ITFG1: variants seen among roughly 807,000 people sequenced by gnomAD.
ITFG1 encodes T-cell immunomodulatory protein.
Under a neutral mutation model 81.8 loss-of-function variants are expected in ITFG1, and 34 were observed. The ratio of observed to expected loss-of-function variants is 0.42; its 90% CI spans 0.32 to 0.55. ITFG1 has a LOEUF of 0.55. ITFG1 is among the 20% of genes least tolerant of loss of function. The pLI, the probability that ITFG1 is intolerant of heterozygous loss-of-function variation, is 0.17. For synonymous variants in ITFG1, 285 were observed against 270.6 expected (o/e 1.05, Z -0.52); for missense variants, 672 against 755.4 (o/e 0.89, Z 1.29).
intron 13 of ITFG1, among the ~76,000 whole-genome samples, chr16:47,232,637 G>GTT (rs200391263): frequency 2.1e-4 from 30 of 145,032 alleles, no homozygotes; most frequent in Non-Finnish European, 3.0e-4. Context: ...ATTTGTTCTT[G>GTT]TTTTTTTTTT....
At chr16:47,319,933 C>CT (rs908676325) in intron 8 of ITFG1, among the ~76,000 whole-genome samples, 5 of 152,070 alleles carry the variant, frequency 3.3e-5, no homozygotes, top group Admixed American at 6.5e-5. Flanking sequence ...ATATACATAT[C>CT]TTTTTTGAGA....
At chr16:47,258,516 T>C (rs1270749633) in intron 12 of ITFG1, 116 bp downstream of exon 12, 1 of 618,602 alleles carries the variant, frequency 1.6e-6, no homozygotes, top group Non-Finnish European at 2.8e-6. Context: ...AGGATGGTGC[T>C]GTACTGGTTG....
At chr16:47,420,294 G>T (rs956809040) in intron 6 of ITFG1, among the ~76,000 whole-genome samples, 10 of 152,102 alleles carry the variant, frequency 6.6e-5, no homozygotes, top group African/African-American at 2.2e-4. Context: ...ATATTCTGAT[G>T]AGAAAAATAT....
intron 8 of ITFG1, among the ~76,000 whole-genome samples, chr16:47,362,218 C>CCGA: frequency 6.6e-6 from 1 of 152,280 alleles, no homozygotes; most frequent in Middle Eastern, 3.4e-3. Context: ...CATGCCCTGA[C>CCGA]CTGTCTCCTG....
intron 14 of ITFG1, among the ~76,000 whole-genome samples, chr16:47,199,864 T>G (rs528315509): frequency 6.6e-5 from 10 of 152,202 alleles, no homozygotes; most frequent in Non-Finnish European, 1.3e-4. Context: ...CAGTGACAGA[T>G]CATCAGGCAT....
intron 16 of ITFG1, 133 bp from the exon 17 acceptor site, chr16:47,159,123 CCATT>C: frequency 2.3e-6 from 1 of 428,564 alleles, no homozygotes; most frequent in South Asian, 7.6e-5. Context: ...ATTCATCAGT[CCATT>C]CATTATAAAT....
chr16:47,164,728 GAT>G (rs1964865019), intron 14 of ITFG1, among the ~76,000 whole-genome samples: 1 of 152,238 alleles, frequency 6.6e-6, no homozygotes, highest in Admixed American at 6.5e-5. Context: ...AAATAGCCAA[GAT>G]GCTGAGAATG....
At chr16:47,385,255 A>G (rs536245267) in intron 6 of ITFG1, among the ~76,000 whole-genome samples, 1 of 152,374 alleles carries the variant, frequency 6.6e-6, no homozygotes, top group African/African-American at 2.4e-5. Context: ...TTATTAAAAT[A>G]ATGAGGCACA....
At chr16:47,412,217 T>C (rs1046017836) in intron 6 of ITFG1, among the ~76,000 whole-genome samples, 4 of 151,998 alleles carry the variant, frequency 2.6e-5, no homozygotes, top group African/African-American at 9.7e-5. Flanking sequence ...TCTCCTTACC[T>C]CCAAACAACT....
intron 14 of ITFG1, among the ~76,000 whole-genome samples, chr16:47,194,277 A>G (rs1284280177): frequency 6.6e-6 from 1 of 152,174 alleles, no homozygotes; most frequent in Admixed American, 6.5e-5. Context: ...TGTAATGACT[A>G]TTTATGAGGG....
chr16:47,285,268 G>A (rs1315323804), intron 10 of ITFG1, among the ~76,000 whole-genome samples: 1 of 152,174 alleles, frequency 6.6e-6, no homozygotes, highest in Non-Finnish European at 1.5e-5. Flanking sequence ...AAAAGGAAAG[G>A]GTTCAGTAAA....
intron 14 of ITFG1, among the ~76,000 whole-genome samples, chr16:47,164,383 C>G (rs1964858778): frequency 6.6e-6 from 1 of 152,116 alleles, no homozygotes; most frequent in Admixed American, 6.5e-5. Context: ...CATCTCCCAC[C>G]CTTTGTCAAA....
At chr16:47,370,834 C>A (rs566204718) in intron 7 of ITFG1, among the ~76,000 whole-genome samples, 4 of 151,698 alleles carry the variant, frequency 2.6e-5, no homozygotes, top group Non-Finnish European at 5.9e-5. Flanking sequence ...TGAGCAGAGG[C>A]CCCACCAGCG....
At position 47,162,645 on chromosome 16, in the gene ITFG1, G is replaced by A. The variant is rs1246362321; in HGVS notation, c.1473C>T (p.Ser491=). The A allele has an allele frequency of 2.4e-5, 38 of 1,601,152 alleles. No homozygotes were observed. The highest frequency in any genetic ancestry group is 1.7e-4 in the Middle Eastern group (1 of 6,038). ...KNGSAGQLSQ[S]AHLALQLPYN... ...ATGGTAGTTGGAGAGCTAAATGTGC[G>A]GATTGGCTGAGTTGGCCAGCTAGAG... The change falls in exon 15 of 18, where the codon TCC becomes TCT. Residue 491 remains serine (S), a synonymous_variant. Transcript: ENST00000320640.
intron 14 of ITFG1, among the ~76,000 whole-genome samples, chr16:47,182,058 G>T (rs1314045612): frequency 6.6e-6 from 1 of 151,918 alleles, no homozygotes; most frequent in Non-Finnish European, 1.5e-5. Context: ...AGGCCACAGG[G>T]TCCTCTGCCT....
In ITFG1 at chr16:47,330,390, A is replaced by G. The variant is rs139878603; in HGVS notation, c.803-16567T>C. Among the ~76,000 whole-genome samples the G allele has an allele frequency of 6.6e-5, 10 of 152,210 alleles. No individual in the cohort carries two copies. The East Asian group carries it at 1.9e-3, about 29-fold the overall frequency. ...TTTGGGACATGTCCCTAGGAAAAGA[A>G]TTTATGACTAAGTCCTCAAAAGCAA... On this transcript the variant is annotated intron_variant, in intron 8 of 17. Coordinates refer to ENST00000320640, the MANE Select transcript of ITFG1 (RefSeq NM_030790.5).
At chr16:47,252,463 T>G (rs1966087795) in intron 12 of ITFG1, among the ~76,000 whole-genome samples, 1 of 152,182 alleles carries the variant, frequency 6.6e-6, no homozygotes, top group African/African-American at 2.4e-5. Context: ...GGAAACAGGG[T>G]TCATCCAGGT....
chr16:47,410,061 C>T (rs1025407770), intron 6 of ITFG1, among the ~76,000 whole-genome samples: 2 of 152,094 alleles, frequency 1.3e-5, no homozygotes, highest in Admixed American at 1.3e-4. Context: ...ATCGTTTGAG[C>T]TTAGGAGTTC....
chr16:47,358,432 T>C (rs1968068506), intron 8 of ITFG1, among the ~76,000 whole-genome samples: 1 of 152,246 alleles, frequency 6.6e-6, no homozygotes, highest in Admixed American at 6.5e-5. Flanking sequence ...TGTTGTTATC[T>C]ACTGGTCAGA....
Sources: allele counts gnomAD v4.1 joint callset (sites outside exome capture counted in the v4.1 genomes callset), GRCh38; gene constraint gnomAD v4.1.1; transcripts MANE v1.5; gene names NCBI Gene and HGNC (gene_info 2026-07-23, HGNC 2026-07-21).